DNAI7: variants seen among roughly 807,000 people sequenced by gnomAD.
The protein encoded by DNAI7 is cancer susceptibility 1.
In DNAI7, 78 loss-of-function variants were observed where a neutral mutation model predicts 86.6. That is an observed-to-expected ratio of 0.90 (90% confidence interval 0.75 to 1.09). DNAI7 has a LOEUF of 1.09. Among genes scored for constraint, DNAI7 ranks in the 50% least tolerant of loss-of-function variants. The probability of loss-of-function intolerance (pLI) is 0.00; values close to 1 mark genes in which losing one functional copy is unlikely to be tolerated. For missense variants in DNAI7, 753 were observed against 810.2 expected, an observed-to-expected ratio of 0.93 and a Z score of 0.86; for synonymous variants, 274 against 273.0, an observed-to-expected ratio of 1.00 and a Z score of -0.04.
At chr12:25,151,407 T>C (rs1945525943) in intron 6 of DNAI7, among the ~76,000 whole-genome samples, 1 of 152,224 alleles carries the variant, frequency 6.6e-6, no homozygotes, top group African/African-American at 2.4e-5. Context: ...AACTCCACTT[T>C]TCTGCAGCTT....
intron 15 of DNAI7, 136 bp from the exon 16 acceptor site, chr12:25,108,959 A>AT: frequency 1.8e-6 from 1 of 561,510 alleles, no homozygotes; most frequent in East Asian, 3.0e-5. Flanking sequence ...TATGTGTTCC[A>AT]TTACTGGGTT....
intron 2 of DNAI7, among the ~76,000 whole-genome samples, chr12:25,171,546 A>G (rs1948136747): frequency 6.6e-6 from 1 of 152,204 alleles, no homozygotes; most frequent in Non-Finnish European, 1.5e-5. Context: ...AGACATTCAA[A>G]GAAGAATTGG....
rs1434120792 is a variant in DNAI7 at position 25,154,090 on chromosome 12, G to C, written c.438+229C>G. On this transcript the variant is annotated intron_variant, in intron 6 of 15. Transcript: ENST00000395987. The stretch of plus-strand genomic sequence containing the variant: ...TTGATTTTTTTTTCTTGATTAGACA[G>C]ACAAATAATCAATGTTTTATGATAT... Among the ~76,000 whole-genome samples, 5 of 151,944 alleles carry C rather than the reference G, an allele frequency of 3.3e-5. No individual in the cohort carries two copies. In the East Asian group the frequency reaches 5.8e-4, roughly 18 times the overall value.
chr12:25,153,922 C>T (rs535468392), intron 6 of DNAI7, among the ~76,000 whole-genome samples: 1 of 152,052 alleles, frequency 6.6e-6, no homozygotes, highest in East Asian at 1.9e-4. Context: ...GTCTTTGTAC[C>T]CCCACTGTCT....
chr12:25,177,310 C>A (rs1949066118), intron 2 of DNAI7, among the ~76,000 whole-genome samples: 1 of 152,164 alleles, frequency 6.6e-6, no homozygotes, highest in African/African-American at 2.4e-5. Flanking sequence ...CAAACTGAAA[C>A]CCTGTATACC....
At chr12:25,187,367 GA>G (rs1297690841) in intron 2 of DNAI7, among the ~76,000 whole-genome samples, 8 of 152,008 alleles carry the variant, frequency 5.3e-5, no homozygotes, top group Admixed American at 5.2e-4. Flanking sequence ...CATATTATAT[GA>G]AATAGCATCA....
At chr12:25,121,698 G>A in intron 11 of DNAI7, 55 bp downstream of exon 11, 1 of 1,387,136 alleles carries the variant, frequency 7.2e-7, no homozygotes, top group East Asian at 2.3e-5. Context: ...ATGAAATAAA[G>A]TAAAAGCGTG....
At position 25,108,428 on chromosome 12, in the gene DNAI7, A is replaced by AGAAAATTTTTAATAG; in HGVS notation, c.*105_*119dup. The AGAAAATTTTTAATAG allele has an allele frequency of 1.2e-6, 1 of 863,580 alleles. No homozygotes were observed. The highest frequency in any genetic ancestry group is 1.7e-6 in the Non-Finnish European group (1 of 600,238). 53.5% of individuals were successfully genotyped at this position (863,580 alleles called of 1,614,324 possible). On this transcript the variant is annotated 3_prime_UTR_variant, in exon 16 of 16. Transcript: ENST00000395987. ...AAAACTTGAGTAGAAAATGCAGATT[A>AGAAAATTTTTAATAG]GAAAATTTTTAATAGTTGATTTGAA...
rs567715525 is a variant in DNAI7, at chr12:25,170,158, A to AG, written c.22-8962dup. ...GTAATCCCAGCATTTTGGGAGGCTGAGGGGGGTGAATCACCTGAGGTCAGG... is the reference window on the plus strand; with the variant it reads ...GTAATCCCAGCATTTTGGGAGGCTGAGGGGGGGTGAATCACCTGAGGTCAGG... On this transcript the variant is annotated intron_variant, in intron 2 of 15. Transcript: ENST00000395987. 6.2e-3 allele frequency among the ~76,000 whole-genome samples: 938 copies of AG among 152,150 alleles called. 10 individuals are homozygous for AG. Among genetic ancestry groups the AG allele is most frequent in the African/African-American group, 0.021 (878 of 41,512 alleles).
intron 4 of DNAI7, 83 bp from the exon 5 acceptor site, chr12:25,155,495 TA>T (rs1946055737): frequency 1.6e-6 from 1 of 615,076 alleles, no homozygotes; most frequent in African/African-American, 1.9e-5. Context: ...CTGACGTGGC[TA>T]AATATATAAC....
chr12:25,170,966 A>G (rs1055062570), intron 2 of DNAI7, among the ~76,000 whole-genome samples: 7 of 152,202 alleles, frequency 4.6e-5, no homozygotes, highest in Non-Finnish European at 1.0e-4. Context: ...CCTCTGGGAT[A>G]CAGCAAAGAT....
At chr12:25,158,720 C>T in intron 3 of DNAI7, 157 bp from the exon 4 acceptor site, 2 of 1,473,968 alleles carry the variant, frequency 1.4e-6, no homozygotes, top group Non-Finnish European at 1.8e-6. Flanking sequence ...GTCAGTTCTC[C>T]TTTCTTCAAG....
At position 25,146,425 on chromosome 12, in the gene DNAI7, C is replaced by T. The variant is rs189101555; in HGVS notation, c.689+576G>A. On this transcript the variant is annotated intron_variant, in intron 8 of 15. Coordinates refer to ENST00000395987, the MANE Select transcript of DNAI7 (RefSeq NM_018272.5). ...TAACCTGACCAACATGGTGAAACCCCGTCTCTACTAAAAATACAAAAAAAT... is the reference window on the plus strand; with the variant it reads ...TAACCTGACCAACATGGTGAAACCCTGTCTCTACTAAAAATACAAAAAAAT... 9.9e-5 allele frequency among the ~76,000 whole-genome samples: 15 copies of T among 151,726 alleles called. No individual in the cohort carries two copies. In the East Asian group the frequency reaches 1.6e-3, roughly 16 times the overall value.
At chr12:25,107,826 A>G (rs181038425), downstream of DNAI7, 1,183 of 1,613,482 alleles carry the variant, frequency 7.3e-4, 11 homozygotes, top group Admixed American at 0.018. Flanking sequence ...GTTATGACAC[A>G]ATAGCTTCCT....
At chr12:25,150,326 C>T (rs147162666) in intron 6 of DNAI7, among the ~76,000 whole-genome samples, 110 of 151,984 alleles carry the variant, frequency 7.2e-4, no homozygotes, top group Non-Finnish European at 1.3e-3. Context: ...TAATGGAGGC[C>T]GGGCGCAGTG....
chr12:25,194,261 C>G (rs1950828698), intron 1 of DNAI7, among the ~76,000 whole-genome samples: 1 of 152,204 alleles, frequency 6.6e-6, no homozygotes, highest in Admixed American at 6.5e-5. Flanking sequence ...ATTTTAGATG[C>G]TTCAATTGTT....
At chr12:25,161,605 G>A (rs903932437) in intron 2 of DNAI7, among the ~76,000 whole-genome samples, 1 of 152,206 alleles carries the variant, frequency 6.6e-6, no homozygotes, top group Admixed American at 6.5e-5. Context: ...GGTATACAGA[G>A]AGTTATTTTG....
Position 25,190,620 on chromosome 12 carries a change from T to G in DNAI7, c.15A>C (p.Ala5=). The G allele has an allele frequency of 7.1e-7, 1 of 1,412,092 alleles. No homozygotes were observed. The highest frequency in any genetic ancestry group is 9.7e-7 in the Non-Finnish European group (1 of 1,030,760). 87.5% of individuals were successfully genotyped at this position (1,412,092 alleles called of 1,614,324 possible). MGPK[A]KKSGSKKKKV... ...TGAAAAAAATTCTACATACCTTTTT[T>G]GCTTTGGGACCCTAAAAGTTGGAAA... is the stretch of plus-strand genomic sequence containing the variant. The change falls in exon 2 of 16, where the codon GCA becomes GCC. Residue 5 remains alanine (A), a synonymous_variant. Transcript: ENST00000395987.
chr12:25,176,493 T>G (rs1456554400), intron 2 of DNAI7, among the ~76,000 whole-genome samples: 1 of 152,110 alleles, frequency 6.6e-6, no homozygotes, highest in Non-Finnish European at 1.5e-5. Flanking sequence ...TTTTTCTGGT[T>G]AGCTCATAAT....
Sources: allele counts gnomAD v4.1 joint callset (sites outside exome capture counted in the v4.1 genomes callset), GRCh38; gene constraint gnomAD v4.1.1; transcripts MANE v1.5; gene names NCBI Gene and HGNC (gene_info 2026-07-23, HGNC 2026-07-21).